KCND2: variants seen among roughly 807,000 people sequenced by gnomAD.
KCND2 encodes the protein potassium voltage-gated channel subfamily D member 2, also known as A-type voltage-gated potassium channel KCND2.
KCND2 carries 16 observed loss-of-function variants against 54.4 expected under a neutral mutation model. The observed-to-expected ratio is 0.29, with a 90% confidence interval of 0.20 to 0.45. KCND2 has a LOEUF of 0.45. KCND2 is among the 20% of genes least tolerant of loss of function. The pLI, the probability that KCND2 is intolerant of heterozygous loss-of-function variation, is 1.00. For synonymous variants in KCND2, 317 were observed against 310.7 expected (o/e 1.02, Z -0.21); for missense variants, 486 against 824.2 (o/e 0.59, Z 5.02).
chr7:120,619,231 A>G (rs1793067578), intron 1 of KCND2, among the ~76,000 whole-genome samples: 1 of 152,162 alleles, frequency 6.6e-6, no homozygotes, highest in African/African-American at 2.4e-5. Context: ...TAAGTTAGAT[A>G]CCAGCCTGGG....
At position 120,591,823 on chromosome 7, in the gene KCND2, A is replaced by G. The variant is rs537935374; in HGVS notation, c.1116-141080A>G. 2.0e-5 allele frequency among the ~76,000 whole-genome samples: 3 copies of G among 152,364 alleles called. No homozygotes were observed. In the South Asian group the frequency reaches 6.2e-4, roughly 32 times the overall value. ...TGTGGTACTTGCCACTATGTGTGAA[A>G]TACAGTAAATCTTGGCCATTATTAT... On this transcript the variant is annotated intron_variant, in intron 1 of 5. Coordinates refer to ENST00000331113, the MANE Select transcript of KCND2 (RefSeq NM_012281.3).
intron 1 of KCND2, among the ~76,000 whole-genome samples, chr7:120,554,381 C>T (rs1350165819): frequency 6.6e-6 from 1 of 151,894 alleles, no homozygotes; most frequent in African/African-American, 2.4e-5. Context: ...TTCTGGTTTA[C>T]GTGGTGCTGA....
intron 1 of KCND2, among the ~76,000 whole-genome samples, chr7:120,683,809 A>ATT (rs200883767): frequency 6.7e-6 from 1 of 149,972 alleles, no homozygotes; most frequent in Non-Finnish European, 1.5e-5. Context: ...AAACTCTTTC[A>ATT]TTTTTTTTTT....
intron 1 of KCND2, among the ~76,000 whole-genome samples, chr7:120,624,704 C>T (rs1195469552): frequency 6.6e-6 from 1 of 150,834 alleles, no homozygotes; most frequent in Non-Finnish European, 1.5e-5. Flanking sequence ...TCACTTGACC[C>T]AAGGAGGACA....
chr7:120,275,703 C>T lies in KCND2; in HGVS notation c.1071C>T (p.Ile357=), dbSNP rs1799163481. The change falls in exon 1 of 6, where the codon ATC becomes ATT. Residue 357 remains isoleucine (I), a synonymous_variant. Transcript: ENST00000331113. Reference sequence around the variant, plus strand: ...CTTCGGCTAGCAAGTTCACCAGCATCCCTGCAGCCTTCTGGTATACCATCG... The same window carrying T: ...CTTCGGCTAGCAAGTTCACCAGCATTCCTGCAGCCTTCTGGTATACCATCG... The part of the protein sequence containing the change: ...KGSSASKFTS[I]PAAFWYTIVT... The T allele has an allele frequency of 2.5e-6, 4 of 1,601,502 alleles. No individual in the cohort carries two copies. The highest frequency in any genetic ancestry group is 1.7e-4 in the Middle Eastern group (1 of 6,060).
intron 1 of KCND2, among the ~76,000 whole-genome samples, chr7:120,602,470 C>G (rs1206636371): frequency 6.6e-6 from 1 of 152,162 alleles, no homozygotes; most frequent in African/African-American, 2.4e-5. Flanking sequence ...GACCCAACGT[C>G]AGCATTGGGA....
chr7:120,399,701 C>CTTATTTATTTATTTAT (rs140548387), intron 1 of KCND2, among the ~76,000 whole-genome samples: 3 of 148,318 alleles, frequency 2.0e-5, no homozygotes, highest in Non-Finnish European at 4.5e-5. Context: ...TTATTTTTAC[C>CTTATTTATTTATTTAT]TTATTTATTT....
intron 1 of KCND2, among the ~76,000 whole-genome samples, chr7:120,503,079 A>T (rs1322101862): frequency 6.6e-6 from 1 of 152,094 alleles, no homozygotes; most frequent in Non-Finnish European, 1.5e-5. Context: ...GTCTAGACTG[A>T]AACATCCATT....
chr7:120,546,728 G>T (rs550153528), intron 1 of KCND2, among the ~76,000 whole-genome samples: 1 of 152,020 alleles, frequency 6.6e-6, no homozygotes, highest in South Asian at 2.1e-4. Flanking sequence ...TCTTGGACAA[G>T]AAATCATTCA....
intron 1 of KCND2, among the ~76,000 whole-genome samples, chr7:120,407,754 G>C (rs1465798596): frequency 1.3e-5 from 2 of 150,882 alleles, no homozygotes; most frequent in African/African-American, 4.9e-5. Context: ...TTATAAAATT[G>C]TAATCATATT....
At chr7:120,505,285 T>C (rs1042128377) in intron 1 of KCND2, among the ~76,000 whole-genome samples, 11 of 151,680 alleles carry the variant, frequency 7.3e-5, no homozygotes, top group African/African-American at 2.4e-4. Context: ...CTCTTCCCCT[T>C]AACATCTATC....
chr7:120,681,660 G>T (rs1459127836), intron 1 of KCND2, among the ~76,000 whole-genome samples: 6 of 151,708 alleles, frequency 4.0e-5, no homozygotes, highest in Non-Finnish European at 7.4e-5. Flanking sequence ...GTGAGTTTTA[G>T]GCTTTCTAAT....
intron 1 of KCND2, among the ~76,000 whole-genome samples, chr7:120,523,069 G>T (rs1791719682): frequency 6.6e-6 from 1 of 152,230 alleles, no homozygotes; most frequent in East Asian, 1.9e-4. Context: ...AGTGTTTCCA[G>T]TTAATCAAAT....
Position 120,275,409 on chromosome 7 carries a change from T to A in KCND2, c.777T>A (p.Arg259=). The change falls in exon 1 of 6, where the codon CGT becomes CGA. Residue 259 remains arginine, a synonymous_variant. Coordinates refer to ENST00000331113, the MANE Select transcript of KCND2 (RefSeq NM_012281.3). ...CGCCTAGTCGTTACCGTTTTGTGCG[T>A]AGTGTCATGAGTATCATCGACGTGG... ...AAAPSRYRFV[R]SVMSIIDVVA... The A allele has an allele frequency of 6.2e-7, 1 of 1,613,768 alleles. No homozygotes were observed.
chr7:120,402,792 A>G (rs770695863), intron 1 of KCND2, among the ~76,000 whole-genome samples: 1 of 152,208 alleles, frequency 6.6e-6, no homozygotes, highest in Non-Finnish European at 1.5e-5. Flanking sequence ...CATAATCTAC[A>G]TATTTTGAAT....
At chr7:120,489,378 A>G (rs552985350) in intron 1 of KCND2, among the ~76,000 whole-genome samples, 156 of 150,060 alleles carry the variant, frequency 1.0e-3, no homozygotes, top group Non-Finnish European at 2.1e-3. Flanking sequence ...TTAATAGAAA[A>G]TATATTTTTT....
At chr7:120,398,108 G>A (rs969896594) in intron 1 of KCND2, among the ~76,000 whole-genome samples, 15 of 145,196 alleles carry the variant, frequency 1.0e-4, no homozygotes, top group Middle Eastern at 3.2e-3. Flanking sequence ...AGTTGGCTAC[G>A]TTCTGAATGC....
At chr7:120,695,854 G>A in intron 1 of KCND2, among the ~76,000 whole-genome samples, 1 of 152,192 alleles carries the variant, frequency 6.6e-6, no homozygotes, top group Admixed American at 6.5e-5. Flanking sequence ...TTTATAGATG[G>A]AAGTTGATTG....
intron 1 of KCND2, among the ~76,000 whole-genome samples, chr7:120,644,987 A>G (rs2116536085): frequency 6.6e-6 from 1 of 152,210 alleles, no homozygotes; most frequent in East Asian, 1.9e-4. Flanking sequence ...GCCTCTCTCT[A>G]AACTTTTTAT....
Sources: allele counts gnomAD v4.1 joint callset (sites outside exome capture counted in the v4.1 genomes callset), GRCh38; gene constraint gnomAD v4.1.1; transcripts MANE v1.5; gene names NCBI Gene and HGNC (gene_info 2026-07-23, HGNC 2026-07-21).